RTN4RL2: variants seen among roughly 807,000 people sequenced by gnomAD.
RTN4RL2 encodes the protein reticulon-4 receptor-like 2.
A neutral mutation model predicts 27.8 loss-of-function variants in RTN4RL2; 9 were observed. The observed-to-expected ratio is 0.32, with a 90% CI of 0.20 to 0.57. The LOEUF (loss-of-function observed/expected upper bound fraction) is 0.57. Ranked by LOEUF, RTN4RL2 falls within the 20% of genes least tolerant of loss-of-function variation. The pLI is 0.90. For synonymous variants in RTN4RL2, 285 were observed against 297.9 expected (o/e 0.96, Z 0.45); for missense variants, 436 against 596.8 (o/e 0.73, Z 2.81).
At chr11:57,463,718 G>C (rs1281877255) in intron 1 of RTN4RL2, among the ~76,000 whole-genome samples, 1 of 151,472 alleles carries the variant, frequency 6.6e-6, no homozygotes, top group African/African-American at 2.5e-5. Context: ...TGGAGGGAAG[G>C]AGTGGTGGTG....
rs1590731505 is a variant in RTN4RL2, at chr11:57,467,537, G to T, written c.32-72G>T. The T allele has an allele frequency of 6.5e-7, 1 of 1,534,756 alleles. No individual in the cohort carries two copies. The highest frequency in any genetic ancestry group is 8.7e-7 in the Non-Finnish European group (1 of 1,144,526). On this transcript the variant is annotated intron_variant, in intron 1 of 2. Coordinates refer to ENST00000335099, the MANE Select transcript of RTN4RL2 (RefSeq NM_178570.3). The surrounding 1 kb of genome is among the most constrained non-coding windows in gnomAD (Gnocchi z 5.5). ...CCGGGTCTAGGCCTTTTACCAAGTT[G>T]GGGGGCTGGCCCCCAGCTGGCACTC...
At chr11:57,468,291 C>A (rs1943541026) in intron 2 of RTN4RL2, among the ~76,000 whole-genome samples, 1 of 151,990 alleles carries the variant, frequency 6.6e-6, no homozygotes, top group Non-Finnish European at 1.5e-5. Flanking sequence ...TGCCTCTCTA[C>A]CTGTTTAGGT....
At chr11:57,468,876 AT>A (rs1280167939) in intron 2 of RTN4RL2, 1 of 881,188 alleles carries the variant, frequency 1.1e-6, no homozygotes, top group African/African-American at 1.7e-5. Flanking sequence ...TATTGATCTA[AT>A]TATTGTTTAT....
At chr11:57,465,504 C>T (rs925623503) in intron 1 of RTN4RL2, among the ~76,000 whole-genome samples, 8 of 152,140 alleles carry the variant, frequency 5.3e-5, no homozygotes, top group East Asian at 1.9e-4. Flanking sequence ...AAGCCTAGGA[C>T]GTTGCTTGAA....
At chr11:57,475,039 C>T (rs927832173) in intron 2 of RTN4RL2, among the ~76,000 whole-genome samples, 3 of 152,132 alleles carry the variant, frequency 2.0e-5, no homozygotes, top group African/African-American at 7.2e-5. Context: ...TTTGGTTCCC[C>T]CAGGGAGCTC....
Position 57,463,971 on chromosome 11 carries a change from G to C in RTN4RL2, c.31+3075G>C, listed in dbSNP as rs552996437. Among the ~76,000 whole-genome samples, 118 of 152,320 alleles carry C rather than the reference G, an allele frequency of 7.7e-4. 1 individual carries two copies. Among genetic ancestry groups the C allele is most frequent in the African/African-American group, 2.7e-3 (114 of 41,566 alleles). ...CCTTGCCTCCAGTGAGAGCCGCTGCGTGAATTATGGATGAGCTCCTTGGGT... is the reference window on the plus strand; with the variant it reads ...CCTTGCCTCCAGTGAGAGCCGCTGCCTGAATTATGGATGAGCTCCTTGGGT... On this transcript the variant is annotated intron_variant, in intron 1 of 2. Transcript: ENST00000335099.
chr11:57,476,819 C>A lies in RTN4RL2; in HGVS notation c.1171C>A (p.Gln391Lys). 1.3e-6 allele frequency: 2 copies of A among 1,549,052 alleles called. No homozygotes were observed. Among genetic ancestry groups the A allele is most frequent in the Non-Finnish European group, 8.7e-7 (1 of 1,154,112 alleles). Residue 391 changes from glutamine (Q) to lysine (K), a missense_variant, in exon 3 of 3, where the codon CAG becomes AAG. By Grantham distance (53) the Gln-to-Lys change is moderately conservative. This residue lies in a region of RTN4RL2 where 60 missense variants were observed against 43.0 expected (regional missense o/e 1.40). Transcript: ENST00000335099. This position sits in a 1 kb window ranked among gnomAD's most constrained non-coding sequence, Gnocchi z 8.2. Reference sequence around the variant, plus strand: ...GCAGATGTGCCCCGGCGCTGCCTGCCAGGCGCCCCCGGACTCCCGAGGCCC... The same window carrying A: ...GCAGATGTGCCCCGGCGCTGCCTGCAAGGCGCCCCCGGACTCCCGAGGCCC... ...GEQMCPGAAC[Q>K]APPDSRGPAL...
rs777404791 is a variant in RTN4RL2 at position 57,476,113 on chromosome 11, C to G, written c.514-49C>G. ...CCAAGGCCCCAGCGGGGTCTGCACC[C>G]TACCTCAGGCCCATTCTCTTCTTCT... On this transcript the variant is annotated intron_variant, in intron 2 of 2. Coordinates refer to ENST00000335099, the MANE Select transcript of RTN4RL2 (RefSeq NM_178570.3). The surrounding 1 kb of genome is among the most constrained non-coding windows in gnomAD (Gnocchi z 8.2). 3.2e-6 allele frequency: 5 copies of G among 1,552,006 alleles called. No individual in the cohort carries two copies. In the Admixed American group the frequency reaches 7.3e-5, roughly 23 times the overall value.
intron 1 of RTN4RL2, among the ~76,000 whole-genome samples, chr11:57,466,314 T>A (rs114945941): frequency 0.02 from 3,091 of 152,056 alleles, 112 homozygotes; most frequent in African/African-American, 0.07. Flanking sequence ...CAAAAATTTT[T>A]AAAAAATTAG....
intron 1 of RTN4RL2, among the ~76,000 whole-genome samples, chr11:57,464,173 G>A (rs1943505751): frequency 6.6e-6 from 1 of 152,202 alleles, no homozygotes; most frequent in African/African-American, 2.4e-5. Flanking sequence ...GAACAAGATG[G>A]AAGGAGAGTG....
In RTN4RL2 at chr11:57,476,617, C is replaced by G. The variant is rs757749216; in HGVS notation, c.969C>G (p.Arg323=). The change falls in exon 3 of 3, where the codon CGC becomes CGG. Residue 323 remains arginine (R), a synonymous_variant. Transcript: ENST00000335099. This position sits in a 1 kb window ranked among gnomAD's most constrained non-coding sequence, Gnocchi z 8.2. Reference sequence around the variant, plus strand: ...CCACGCGGCCGGGCAGCCGCGCCCGCGGCAACAGCTCCTCCAACCACCTGT... The same window carrying G: ...CCACGCGGCCGGGCAGCCGCGCCCGGGGCAACAGCTCCTCCAACCACCTGT... The part of the protein sequence containing the change: ...AAPTRPGSRA[R]GNSSSNHLYG... 2 of 1,414,286 alleles carry G rather than the reference C, an allele frequency of 1.4e-6. No individual in the cohort carries two copies. The highest frequency in any genetic ancestry group is 9.2e-7 in the Non-Finnish European group (1 of 1,091,628). The allele number at this position is 1,414,286 out of a possible 1,614,324, so 87.6% of individuals were successfully genotyped here. A position where few individuals can be genotyped will look rare whatever the true frequency, so the allele number is the denominator to read the frequency against.
Position 57,476,988 on chromosome 11 carries a change from T to A in RTN4RL2, c.*77T>A. ...CCCGGGGCTGCGGCTCCGGCCCCAG[T>A]CGCCCCACCTTCCCTGGCCTTGCTG... On this transcript the variant is annotated 3_prime_UTR_variant, in exon 3 of 3. Coordinates refer to ENST00000335099, the MANE Select transcript of RTN4RL2 (RefSeq NM_178570.3). The surrounding 1 kb of genome is among the most constrained non-coding windows in gnomAD (Gnocchi z 8.2). 7.1e-7 allele frequency: 1 copy of A among 1,414,726 alleles called. No individual in the cohort carries two copies. The highest frequency in any genetic ancestry group is 9.4e-7 in the Non-Finnish European group (1 of 1,067,774). 87.6% of individuals were successfully genotyped at this position (1,414,726 alleles called of 1,614,324 possible). A position where few individuals can be genotyped will look rare whatever the true frequency, so the allele number is the denominator to read the frequency against.
At chr11:57,474,720 A>T (rs1437201108) in intron 2 of RTN4RL2, among the ~76,000 whole-genome samples, 1 of 152,214 alleles carries the variant, frequency 6.6e-6, no homozygotes, top group Non-Finnish European at 1.5e-5. Context: ...ATGGGTGCCA[A>T]GGCATTAGCT....
At chr11:57,475,003 C>T (rs948000047) in intron 2 of RTN4RL2, among the ~76,000 whole-genome samples, 7 of 152,138 alleles carry the variant, frequency 4.6e-5, no homozygotes, top group African/African-American at 1.7e-4. Context: ...TGCCCCTCAC[C>T]CCAATACCCA....
chr11:57,476,167 C>T lies in RTN4RL2; in HGVS notation c.519C>T (p.Asp173=), dbSNP rs777127488. Residue 173 remains aspartate, a synonymous_variant, in exon 3 of 3, where the codon GAC becomes GAT. Coordinates refer to ENST00000335099, the MANE Select transcript of RTN4RL2 (RefSeq NM_178570.3). The surrounding 1 kb of genome is among the most constrained non-coding windows in gnomAD (Gnocchi z 8.2). ...CCCCACTCCACCCCACCCAGGATGA[C>T]TTGTTCGCGGACCTGGCCAACCTGA... ...QENSLLHLQD[D]LFADLANLSH... 1 of 1,605,138 alleles carries T rather than the reference C, an allele frequency of 6.2e-7. No individual in the cohort carries two copies. Among genetic ancestry groups the T allele is most frequent in the Non-Finnish European group, 8.5e-7 (1 of 1,174,956 alleles).
chr11:57,467,723 A>G lies in RTN4RL2; in HGVS notation c.146A>G (p.Asn49Ser). ...SSPPTVSCQA[N>S]NFSSVPLSLP... The stretch of plus-strand genomic sequence containing the variant: ...CCGCCCACCGTGAGCTGCCAGGCCA[A>G]CAACTTCTCCTCTGTGCCGCTGTCC... The change falls in exon 2 of 3, where the codon AAC becomes AGC. Residue 49 changes from asparagine to serine, a missense_variant. Physicochemically the swap from Asn to Ser is conservative, Grantham distance 46. Around this residue, in one of 3 missense-constraint regions of RTN4RL2, gnomAD observed 365 missense variants for 530.5 expected, o/e 0.69. Transcript: ENST00000335099. The surrounding 1 kb of genome is among the most constrained non-coding windows in gnomAD (Gnocchi z 5.5). 1.2e-6 allele frequency: 2 copies of G among 1,612,782 alleles called. No homozygotes were observed. Among genetic ancestry groups the G allele is most frequent in the Admixed American group, 1.7e-5 (1 of 59,968 alleles).
intron 2 of RTN4RL2, among the ~76,000 whole-genome samples, chr11:57,470,189 T>G (rs1333254641): frequency 6.6e-6 from 1 of 152,218 alleles, no homozygotes; most frequent in Non-Finnish European, 1.5e-5. Context: ...GACAAATTAC[T>G]TAACCTCTCT....
rs1943477876 is a variant in RTN4RL2 at position 57,460,844 on chromosome 11, C to T, written c.-22C>T. On this transcript the variant is annotated 5_prime_UTR_variant, in exon 1 of 3. Coordinates refer to ENST00000335099, the MANE Select transcript of RTN4RL2 (RefSeq NM_178570.3). ...GGGAGCGCCCTCCCCCCGCTGCCCC[C>T]TCCCCCGAGCATCGAGACAAGATGC... The T allele has an allele frequency of 1.4e-6, 2 of 1,399,694 alleles. No individual in the cohort carries two copies. Among genetic ancestry groups the T allele is most frequent in the Non-Finnish European group, 1.9e-6 (2 of 1,062,270 alleles). The allele number at this position is 1,399,694 out of a possible 1,614,324, so 86.7% of individuals were successfully genotyped here.
Position 57,475,236 on chromosome 11 carries a change from C to T in RTN4RL2, c.514-926C>T, listed in dbSNP as rs571642708. Among the ~76,000 whole-genome samples the T allele has an allele frequency of 5.9e-5, 9 of 152,278 alleles. No individual in the cohort carries two copies. The East Asian group carries it at 1.3e-3, about 23-fold the overall frequency. ...AAGGAATATTGTACATACTGAGGAA[C>T]CTGAGACTCCATGAGGTTAAAACTT... is the stretch of plus-strand genomic sequence containing the variant. On this transcript the variant is annotated intron_variant, in intron 2 of 2. Coordinates refer to ENST00000335099, the MANE Select transcript of RTN4RL2 (RefSeq NM_178570.3).
Sources: allele counts gnomAD v4.1 joint callset (sites outside exome capture counted in the v4.1 genomes callset), GRCh38; gene constraint gnomAD v4.1.1; regional missense constraint gnomAD v4.1.1; non-coding constraint Gnocchi (gnomAD v3.1); transcripts MANE v1.5; gene names NCBI Gene and HGNC (gene_info 2026-07-23, HGNC 2026-07-21).